The following HGS variants were observed in gnomAD, a reference collection of about 807,000 sequenced individuals.
The protein encoded by HGS is hepatocyte growth factor-regulated tyrosine kinase substrate.
A neutral mutation model predicts 109.7 loss-of-function variants in HGS; 63 were observed. The observed-to-expected ratio is 0.57, with a 90% CI of 0.47 to 0.71. HGS has a LOEUF of 0.71. Among genes scored for constraint, HGS ranks in the 30% least tolerant of loss-of-function variants. The pLI is 0.00. For missense variants in HGS, 995 were observed against 1,068.3 expected (o/e 0.93, Z 0.96); for synonymous variants, 546 against 437.3 (o/e 1.25, Z -3.10).
intron 14 of HGS, chr17:81,695,574 G>C (rs1322465734): frequency 1.6e-6 from 1 of 606,610 alleles, no homozygotes; most frequent in East Asian, 2.8e-5. Flanking sequence ...GTGGGGCCCT[G>C]AGCCAGCTCC....
rs898319889 is a variant in HGS, at chr17:81,694,449, C to T, written c.937-366C>T. On this transcript the variant is annotated intron_variant, in intron 11 of 21. Transcript: ENST00000329138. ...CCAGGGGTGCAGAACAGCCCTGCCC[C>T]AGTGAGCCACCCCTTCCCTTCTTCC... 2.0e-5 allele frequency among the ~76,000 whole-genome samples: 3 copies of T among 152,318 alleles called. No individual in the cohort carries two copies. In the East Asian group the frequency reaches 5.8e-4, roughly 29 times the overall value.
At chr17:81,684,462 G>T in intron 1 of HGS, 1 of 237,226 alleles carries the variant, frequency 4.2e-6, no homozygotes, top group Non-Finnish European at 8.1e-6. Context: ...GACTCAGTCG[G>T]ATGTTAGGCT....
At chr17:81,690,396 C>T (rs745871161) in intron 6 of HGS, 162 bp downstream of exon 6, 1 of 772,342 alleles carries the variant, frequency 1.3e-6, no homozygotes, top group South Asian at 1.7e-5. Flanking sequence ...GCAGCTGTCT[C>T]TGCAGGGCGA....
rs532413489 is a variant in HGS at position 81,688,379 on chromosome 17, C to T, written c.292-325C>T. On this transcript the variant is annotated intron_variant, in intron 4 of 21. Transcript: ENST00000329138. The stretch of plus-strand genomic sequence containing the variant: ...CAACACCACGCTGCCACCGTCAGGC[C>T]TGCCGGGTCCTGCCTGTTGGAGGCT... Among the ~76,000 whole-genome samples, 282 of 152,382 alleles carry T rather than the reference C, an allele frequency of 1.9e-3. 2 individuals carry two copies. Among genetic ancestry groups the T allele is most frequent in the African/African-American group, 6.6e-3 (274 of 41,592 alleles).
In HGS at chr17:81,688,705, G is replaced by A. The variant is rs762728512; in HGVS notation, c.293G>A (p.Arg98Lys). ...TMEELKDLLKRQVEVNVRNKI... is the reference protein window; with the variant it reads ...TMEELKDLLKKQVEVNVRNKI... ...TCACCCCCTTCTCCCTGCCTGCAGA[G>A]ACAAGTGGAGGTAAACGTCCGTAAC... is the stretch of plus-strand genomic sequence containing the variant. The change falls in exon 5 of 22, where the codon AGA (arginine) becomes AAA (lysine). Residue 98 changes from arginine to lysine, a missense_variant and splice_region_variant. Transcript: ENST00000329138. The A allele has an allele frequency of 3.5e-5, 57 of 1,613,702 alleles. No homozygotes were observed. Among genetic ancestry groups the A allele is most frequent in the Non-Finnish European group, 4.7e-5 (55 of 1,179,896 alleles).
rs2037231111 is a variant in HGS at position 81,701,142 on chromosome 17, CCCGGGG to C, written c.2223+14_2223+19del. The C allele has an allele frequency of 5.0e-6, 8 of 1,611,488 alleles. No homozygotes were observed. Among genetic ancestry groups the C allele is most frequent in the Non-Finnish European group, 6.8e-6 (8 of 1,178,086 alleles). ...CCCATGTACCAGCAGGTGAGCCATT[CCCGGGG>C]CCTCACAGCGGCACCCGCAGGGCAC... On this transcript the variant is annotated intron_variant, in intron 21 of 21. Transcript: ENST00000329138.
intron 8 of HGS, chr17:81,692,011 G>A (rs1044893063): frequency 5.9e-5 from 11 of 187,940 alleles, no homozygotes; most frequent in African/African-American, 1.2e-4. Context: ...TCTCCTGCGC[G>A]TGCGTGTGTT....
chr17:81,684,220 C>A, intron 1 of HGS, 117 bp downstream of exon 1: 2 of 956,186 alleles, frequency 2.1e-6, no homozygotes, highest in South Asian at 2.8e-5. Flanking sequence ...GCCCGCCTCT[C>A]CCCGGCCCGC....
intron 2 of HGS, 59 bp from the exon 3 acceptor site, chr17:81,686,253 A>C (rs1186959564): frequency 7.9e-6 from 11 of 1,395,360 alleles, no homozygotes; most frequent in Non-Finnish European, 1.1e-5. Context: ...TTCTCATCTT[A>C]GTTGCTGAGA....
Position 81,690,727 on chromosome 17 carries a change from G to A in HGS, c.522G>A (p.Gly174=). ...GCCACCGCTGCAGGGTGCAGTTCGG[G>A]GTGATGACCCGTAAGGTGAGTTCCC... ...EECHRCRVQF[G]VMTRKHHCRA... The change falls in exon 7 of 22, where the codon GGG becomes GGA. Residue 174 remains glycine, a synonymous_variant. Coordinates refer to ENST00000329138, the MANE Select transcript of HGS (RefSeq NM_004712.5). 3.1e-6 allele frequency: 5 copies of A among 1,613,172 alleles called. No homozygotes were observed. Among genetic ancestry groups the A allele is most frequent in the Non-Finnish European group, 4.2e-6 (5 of 1,179,786 alleles).
chr17:81,685,023 C>A (rs555288159), intron 1 of HGS: 45 of 985,380 alleles, frequency 4.6e-5, no homozygotes, highest in South Asian at 2.3e-4. Context: ...GCTGCCCCCC[C>A]AGAGGGGCCA....
intron 1 of HGS, chr17:81,684,849 G>A: frequency 2.1e-6 from 2 of 967,858 alleles, no homozygotes; most frequent in Non-Finnish European, 2.5e-6. Context: ...CACCTTCCTT[G>A]CCAAGGGAAC....
intron 18 of HGS, 59 bp downstream of exon 18, chr17:81,697,057 A>G (rs2037162841): frequency 1.4e-6 from 2 of 1,474,840 alleles, no homozygotes; most frequent in Non-Finnish European, 1.8e-6. Context: ...TTTTAGCCGA[A>G]TTTACAGAAA....
At chr17:81,699,671 G>T (rs2037204003) in intron 18 of HGS, among the ~76,000 whole-genome samples, 1 of 148,260 alleles carries the variant, frequency 6.7e-6, no homozygotes, top group Admixed American at 6.6e-5. Flanking sequence ...TGATCCGCCT[G>T]CCTCGGCCTC....
intron 5 of HGS, 24 bp from the exon 6 acceptor site, chr17:81,690,158 G>C (rs369586507): frequency 6.2e-7 from 1 of 1,609,738 alleles, no homozygotes; most frequent in South Asian, 1.1e-5. Context: ...GGAGCAGGCA[G>C]TGACTATGGC....
chr17:81,700,449 CT>C lies in HGS; in HGVS notation c.1883-17del. 1 of 1,542,716 alleles carries C rather than the reference CT, an allele frequency of 6.5e-7. No individual in the cohort carries two copies. The highest frequency in any genetic ancestry group is 8.8e-7 in the Non-Finnish European group (1 of 1,142,656). ...TGTTGCCCTGGCTGAACCATCTCCC[CT>C]GTCTTGTTTGTCACAGATCCCAGCA... On this transcript the variant is annotated splice_polypyrimidine_tract_variant and intron_variant, in intron 18 of 21. Transcript: ENST00000329138.
chr17:81,699,479 G>A (rs1276249851), intron 18 of HGS, among the ~76,000 whole-genome samples: 2 of 152,218 alleles, frequency 1.3e-5, no homozygotes, highest in Non-Finnish European at 2.9e-5. Context: ...AGGCTGGAGT[G>A]CAGTGGTGCG....
At chr17:81,700,062 A>G (rs1274828686) in intron 18 of HGS, among the ~76,000 whole-genome samples, 3 of 142,384 alleles carry the variant, frequency 2.1e-5, no homozygotes, top group Non-Finnish European at 3.0e-5. Context: ...GTGACAGACT[A>G]TCTCAAAAAA....
At chr17:81,694,399 G>A (rs368462883) in intron 11 of HGS, among the ~76,000 whole-genome samples, 7 of 152,358 alleles carry the variant, frequency 4.6e-5, no homozygotes, top group Admixed American at 2.0e-4. Flanking sequence ...TGTAGGTTCC[G>A]TGGAGTGGCC....
Sources: gnomAD v4.1 joint callset for allele counts (sites outside exome capture counted in the v4.1 genomes callset) on GRCh38, gnomAD v4.1.1 for gene constraint, MANE v1.5 for transcripts, NCBI Gene and HGNC (gene_info 2026-07-23, HGNC 2026-07-21) for gene names.